KLHL6: variants seen among roughly 807,000 people sequenced by gnomAD.
KLHL6 encodes kelch like family member 6.
Under a neutral mutation model 58.6 loss-of-function variants are expected in KLHL6, and 41 were observed. The ratio of observed to expected loss-of-function variants is 0.70; its 90% CI spans 0.55 to 0.91. KLHL6 has a LOEUF of 0.91. Ranked by LOEUF, KLHL6 falls within the 40% of genes least tolerant of loss-of-function variation. The pLI is 0.00. For synonymous variants in KLHL6, 338 were observed against 322.7 expected (o/e 1.05, Z -0.51); for missense variants, 714 against 805.6 (o/e 0.89, Z 1.38).
At chr3:183,510,070 T>C (rs1217731383) in intron 2 of KLHL6, among the ~76,000 whole-genome samples, 1 of 152,202 alleles carries the variant, frequency 6.6e-6, no homozygotes, top group Non-Finnish European at 1.5e-5. Context: ...ACTTTACAGA[T>C]GACAAAGCAC....
intron 1 of KLHL6, among the ~76,000 whole-genome samples, chr3:183,537,248 G>A (rs1404975159): frequency 1.3e-5 from 2 of 152,130 alleles, no homozygotes; most frequent in Non-Finnish European, 2.9e-5. Flanking sequence ...TAGGGCTTCA[G>A]GCTCTGAATC....
chr3:183,545,003 G>T (rs990062431), intron 1 of KLHL6, among the ~76,000 whole-genome samples: 3 of 152,066 alleles, frequency 2.0e-5, no homozygotes, highest in African/African-American at 7.2e-5. Context: ...TCTCATAGCA[G>T]CCAATAGGCA....
At chr3:183,524,474 T>C (rs1354448721) in intron 2 of KLHL6, among the ~76,000 whole-genome samples, 4 of 152,202 alleles carry the variant, frequency 2.6e-5, no homozygotes, top group African/African-American at 9.7e-5. Flanking sequence ...GGCAGATCAA[T>C]CAGTACCTGC....
intron 4 of KLHL6, among the ~76,000 whole-genome samples, chr3:183,494,801 G>A (rs1488567573): frequency 2.0e-5 from 3 of 152,268 alleles, no homozygotes; most frequent in East Asian, 1.9e-4. Context: ...CTGGTTTGTC[G>A]CTCTGATCTG....
rs761130608 is a variant in KLHL6, at chr3:183,555,617, C to T, written c.37G>A (p.Gly13Ser). ...MAGQRGAWTM[G>S]DVVEKSLEGP... ...TCCAAACTCTTCTCGACCACATCACCCATGGTCCAGGCGCCCCTTTGTCCT... is the reference window on the plus strand; with the variant it reads ...TCCAAACTCTTCTCGACCACATCACTCATGGTCCAGGCGCCCCTTTGTCCT... Residue 13 changes from glycine (G) to serine (S), a missense_variant, in exon 1 of 7, where the codon GGT becomes AGT. Physicochemically the swap from Gly to Ser is moderately conservative, Grantham distance 56. Around this residue, in one of 2 missense-constraint regions of KLHL6, gnomAD observed 204 missense variants for 175.9 expected, o/e 1.16. Transcript: ENST00000341319. 6.2e-7 allele frequency: 1 copy of T among 1,610,366 alleles called. No individual in the cohort carries two copies.
At chr3:183,509,385 A>G (rs143879687) in intron 2 of KLHL6, among the ~76,000 whole-genome samples, 1 of 152,362 alleles carries the variant, frequency 6.6e-6, no homozygotes, top group African/African-American at 2.4e-5. Context: ...GTCACAAATC[A>G]TATGTACATT....
intron 2 of KLHL6, among the ~76,000 whole-genome samples, chr3:183,518,862 A>T (rs1252947834): frequency 6.6e-6 from 1 of 152,194 alleles, no homozygotes; most frequent in Non-Finnish European, 1.5e-5. Context: ...GGCAATAAAG[A>T]TTCCCAGGCA....
At position 183,490,475 on chromosome 3, in the gene KLHL6, G is replaced by A. The variant is rs541781077; in HGVS notation, c.*1452C>T. ...TAAAGGTACAATTCTGTCTGGCAAT[G>A]ACAGTTCCGGTCCAAAATGGGCCAT... On this transcript the variant is annotated 3_prime_UTR_variant, in exon 7 of 7. Transcript: ENST00000341319. 5.1e-4 allele frequency: 77 copies of A among 151,754 alleles called. No individual in the cohort carries two copies. Among genetic ancestry groups the A allele is most frequent in the African/African-American group, 1.8e-3 (75 of 41,274 alleles). The allele number at this position is 151,754 out of a possible 1,614,324, so 9.4% of individuals were successfully genotyped here. A position where few individuals can be genotyped will look rare whatever the true frequency, so the allele number is the denominator to read the frequency against.
At chr3:183,527,179 G>A (rs1351921637) in intron 2 of KLHL6, among the ~76,000 whole-genome samples, 1 of 151,536 alleles carries the variant, frequency 6.6e-6, no homozygotes, top group African/African-American at 2.4e-5. Context: ...AAATGAAATT[G>A]AATAAGGATA....
chr3:183,493,115 G>T, intron 5 of KLHL6: 1 of 205,180 alleles, frequency 4.9e-6, no homozygotes, highest in Non-Finnish European at 9.9e-6. Flanking sequence ...TTTCCTTGGT[G>T]CTTATATCTA....
chr3:183,527,721 TGC>T, intron 2 of KLHL6, 122 bp downstream of exon 2: 1 of 755,782 alleles, frequency 1.3e-6, no homozygotes, highest in Non-Finnish European at 2.2e-6. Context: ...TGTGTTTGTG[TGC>T]GTGTGTGTGT....
intron 3 of KLHL6, among the ~76,000 whole-genome samples, chr3:183,507,853 G>A (rs1404510603): frequency 1.3e-5 from 2 of 152,118 alleles, no homozygotes; most frequent in East Asian, 1.9e-4. Context: ...CACCTAACGC[G>A]CTCAGTAACT....
At chr3:183,540,923 C>T (rs974905675) in intron 1 of KLHL6, among the ~76,000 whole-genome samples, 9 of 152,180 alleles carry the variant, frequency 5.9e-5, no homozygotes, top group East Asian at 3.8e-4. Flanking sequence ...TCCGCATTTG[C>T]GCTCGCCGTC....
intron 2 of KLHL6, among the ~76,000 whole-genome samples, chr3:183,518,852 G>A (rs771499011): frequency 1.3e-5 from 2 of 152,160 alleles, no homozygotes; most frequent in Non-Finnish European, 2.9e-5. Context: ...CCACCCTGGA[G>A]GCAATAAAGA....
chr3:183,503,734 G>A (rs777320648), intron 3 of KLHL6, among the ~76,000 whole-genome samples: 24 of 152,250 alleles, frequency 1.6e-4, no homozygotes, highest in Non-Finnish European at 2.5e-4. Context: ...AGCCGAGATC[G>A]CACCATTGCA....
intron 1 of KLHL6, among the ~76,000 whole-genome samples, chr3:183,545,963 C>A (rs892860542): frequency 6.6e-6 from 1 of 152,206 alleles, no homozygotes; most frequent in Non-Finnish European, 1.5e-5. Flanking sequence ...GGAGGAAGAT[C>A]CAAGCGTTCG....
Position 183,492,200 on chromosome 3 carries a change from G to A in KLHL6, c.1593C>T (p.Tyr531=), listed in dbSNP as rs267599702. Residue 531 remains tyrosine (Y), a synonymous_variant, in exon 7 of 7, where the codon TAC becomes TAT. Transcript: ENST00000341319. This position sits in a 1 kb window ranked among gnomAD's most constrained non-coding sequence, Gnocchi z 5.9. The part of the protein sequence containing the change: ...VGGAMRALYA[Y]SPLEDSWCLV... ...GGCACCAGCTGTCTTCCAGCGGGCT[G>A]TAGGCGTACAGCGCTCTCATGGCCC... 1 of 1,611,272 alleles carries A rather than the reference G, an allele frequency of 6.2e-7. No individual in the cohort carries two copies. Among genetic ancestry groups the A allele is most frequent in the East Asian group, 2.2e-5 (1 of 44,832 alleles).
At chr3:183,511,108 A>G (rs1330916107) in intron 2 of KLHL6, among the ~76,000 whole-genome samples, 1 of 152,182 alleles carries the variant, frequency 6.6e-6, no homozygotes, top group African/African-American at 2.4e-5. Context: ...TTTATTGATT[A>G]CTATTTTCAC....
chr3:183,535,652 T>A (rs923670354), intron 1 of KLHL6, among the ~76,000 whole-genome samples: 5 of 152,172 alleles, frequency 3.3e-5, no homozygotes, highest in African/African-American at 1.2e-4. Flanking sequence ...GATGTTCCAA[T>A]GGTTTAAGTT....
Sources: allele counts gnomAD v4.1 joint callset (sites outside exome capture counted in the v4.1 genomes callset), GRCh38; gene constraint gnomAD v4.1.1; regional missense constraint gnomAD v4.1.1; non-coding constraint Gnocchi (gnomAD v3.1); transcripts MANE v1.5; gene names NCBI Gene and HGNC (gene_info 2026-07-23, HGNC 2026-07-21).